Variants in AKT3 observed in about 807,000 individuals in gnomAD.
The protein encoded by AKT3 is RAC-gamma serine/threonine-protein kinase.
Under a neutral mutation model 65.3 loss-of-function variants are expected in AKT3, and 15 were observed. The ratio of observed to expected loss-of-function variants is 0.23; its 90% CI spans 0.15 to 0.35. AKT3 has a LOEUF of 0.35. AKT3 is among the 10% of genes least tolerant of loss of function. The pLI is 1.00. For missense variants in AKT3, 243 were observed against 576.5 expected, an observed-to-expected ratio of 0.42 and a Z score of 5.92; for synonymous variants, 206 against 183.8, an observed-to-expected ratio of 1.12 and a Z score of -0.98.
Position 243,563,933 on chromosome 1 carries a change from G to A in AKT3, c.820-85C>T, listed in dbSNP as rs891012520. The A allele has an allele frequency of 5.9e-6, 8 of 1,361,610 alleles. No homozygotes were observed. In the African/African-American group the frequency reaches 1.0e-4, roughly 17 times the overall value. 84.3% of individuals were successfully genotyped at this position (1,361,610 alleles called of 1,614,324 possible). On this transcript the variant is annotated intron_variant, in intron 9 of 13. Transcript: ENST00000673466. Reference sequence around the variant, plus strand: ...ATTTTAAAAAACTACTGAATGCTGAGTAAGGTATTTTGGAAACAGGACATA... The same window carrying A: ...ATTTTAAAAAACTACTGAATGCTGAATAAGGTATTTTGGAAACAGGACATA...
Position 243,500,813 on chromosome 1 carries a change from T to C in AKT3, c.*4436A>G, listed in dbSNP as rs1481051388. 4.4e-6 allele frequency: 1 copy of C among 229,076 alleles called. No homozygotes were observed. Among genetic ancestry groups the C allele is most frequent in the Non-Finnish European group, 8.7e-6 (1 of 115,430 alleles). The allele number at this position is 229,076 out of a possible 1,614,324, so 14.2% of individuals were successfully genotyped here. A position where few individuals can be genotyped will look rare whatever the true frequency, so the allele number is the denominator to read the frequency against. On this transcript the variant is annotated 3_prime_UTR_variant, in exon 14 of 14. Transcript: ENST00000673466. The stretch of plus-strand genomic sequence containing the variant: ...TACACACAGAGACCATTTGAATCTC[T>C]TGAGCATGTAAAAGGTTCAAGCCTG...
chr1:243,618,916 G>A (rs1678539419), intron 6 of AKT3, among the ~76,000 whole-genome samples: 1 of 152,032 alleles, frequency 6.6e-6, no homozygotes, highest in Non-Finnish European at 1.5e-5. Flanking sequence ...TACCCTTAAT[G>A]ATCAAGAACA....
At chr1:243,582,936 A>T (rs963411477) in intron 8 of AKT3, among the ~76,000 whole-genome samples, 9 of 151,812 alleles carry the variant, frequency 5.9e-5, no homozygotes, top group Admixed American at 2.0e-4. Context: ...ACTAATGGAA[A>T]ACAAAAAAGA....
chr1:243,668,840 T>C (rs1432812609), intron 3 of AKT3, among the ~76,000 whole-genome samples: 1 of 152,090 alleles, frequency 6.6e-6, no homozygotes, highest in Admixed American at 6.6e-5. Flanking sequence ...AAAATGGGTA[T>C]GGAGGAAAGT....
Position 243,505,220 on chromosome 1 carries a change from T to C in AKT3, c.*29A>G. The C allele has an allele frequency of 3.2e-6, 5 of 1,579,172 alleles. No individual in the cohort carries two copies. Among genetic ancestry groups the C allele is most frequent in the Non-Finnish European group, 4.4e-6 (5 of 1,148,498 alleles). The stretch of plus-strand genomic sequence containing the variant: ...ATCATTTTCAGTAATAAATTGAAGA[T>C]GACAGTGAAGTAGCAGAATGAAAGA... On this transcript the variant is annotated 3_prime_UTR_variant, in exon 14 of 14. Coordinates refer to ENST00000673466, the MANE Select transcript of AKT3 (RefSeq NM_005465.7).
At chr1:243,572,828 T>C (rs1674663312) in intron 9 of AKT3, 98 bp downstream of exon 9, 1 of 1,267,250 alleles carries the variant, frequency 7.9e-7, no homozygotes, top group African/African-American at 1.5e-5. Flanking sequence ...CCCAACTAAA[T>C]CTGCTTTTCT....
chr1:243,656,380 G>T (rs999687850), intron 4 of AKT3, among the ~76,000 whole-genome samples: 5 of 152,070 alleles, frequency 3.3e-5, no homozygotes, highest in Non-Finnish European at 5.9e-5. Flanking sequence ...GTTTAAAAAA[G>T]GAATGGCTTA....
At chr1:243,844,790 A>T (rs1049887462) in intron 1 of AKT3, among the ~76,000 whole-genome samples, 15 of 152,182 alleles carry the variant, frequency 9.9e-5, no homozygotes, top group South Asian at 2.1e-4. Flanking sequence ...TCTTCATAAG[A>T]TGTATGCGGG....
chr1:243,770,022 T>C (rs1208712518), intron 2 of AKT3, among the ~76,000 whole-genome samples: 1 of 152,220 alleles, frequency 6.6e-6, no homozygotes, highest in Non-Finnish European at 1.5e-5. Flanking sequence ...CATTCTTTTA[T>C]ATGTGGAAAT....
chr1:243,810,256 C>T (rs1241199883), intron 2 of AKT3, among the ~76,000 whole-genome samples: 1 of 151,882 alleles, frequency 6.6e-6, no homozygotes, highest in Non-Finnish European at 1.5e-5. Flanking sequence ...TTGAAAAGAT[C>T]AACAAAATTG....
At chr1:243,729,387 A>C (rs1277867168) in intron 2 of AKT3, among the ~76,000 whole-genome samples, 1 of 152,190 alleles carries the variant, frequency 6.6e-6, no homozygotes, top group Non-Finnish European at 1.5e-5. Flanking sequence ...AAAAGGGTGG[A>C]ATTCAAAATA....
At chr1:243,667,965 A>G (rs1019449371) in intron 3 of AKT3, among the ~76,000 whole-genome samples, 5 of 152,062 alleles carry the variant, frequency 3.3e-5, no homozygotes, top group African/African-American at 1.2e-4. Flanking sequence ...TAGACATCCT[A>G]TTTAATACTG....
At chr1:243,662,111 C>A (rs1364470184) in intron 4 of AKT3, among the ~76,000 whole-genome samples, 2 of 151,622 alleles carry the variant, frequency 1.3e-5, no homozygotes, top group African/African-American at 4.9e-5. Context: ...GTTGGTGGGA[C>A]TGTAAACTAG....
chr1:243,711,735 T>G (rs774968649), intron 2 of AKT3, among the ~76,000 whole-genome samples: 2 of 152,258 alleles, frequency 1.3e-5, no homozygotes, highest in Non-Finnish European at 2.9e-5. Flanking sequence ...AAGTATTGTT[T>G]CCTTCTTTCA....
intron 6 of AKT3, among the ~76,000 whole-genome samples, chr1:243,634,910 T>G (rs1357709285): frequency 1.3e-5 from 2 of 151,842 alleles, no homozygotes; most frequent in African/African-American, 4.8e-5. Flanking sequence ...AAGAAAGAAG[T>G]AAGGCAACGG....
chr1:243,538,943 C>T (rs895270185), intron 12 of AKT3, among the ~76,000 whole-genome samples: 1 of 151,882 alleles, frequency 6.6e-6, no homozygotes, highest in Non-Finnish European at 1.5e-5. Context: ...GAGGCAAAAC[C>T]TAAAAGATAA....
chr1:243,624,859 A>T (rs1373768266), intron 6 of AKT3: 1 of 208,706 alleles, frequency 4.8e-6, no homozygotes, highest in African/African-American at 2.3e-5. Flanking sequence ...CTCTTCTCCC[A>T]GATGGAAACT....
intron 4 of AKT3, among the ~76,000 whole-genome samples, chr1:243,650,223 T>TGTTCATA (rs1681200847): frequency 6.6e-6 from 1 of 152,238 alleles, no homozygotes; most frequent in Admixed American, 6.5e-5. Context: ...GAGAAGTGTC[T>TGTTCATA]GTTCATATCC....
intron 2 of AKT3, among the ~76,000 whole-genome samples, chr1:243,749,154 A>C (rs1419333333): frequency 6.6e-6 from 1 of 151,908 alleles, no homozygotes; most frequent in African/African-American, 2.4e-5. Context: ...ATATTTTTCT[A>C]ATCCACTTTT....
Sources: gnomAD v4.1 joint callset for allele counts (sites outside exome capture counted in the v4.1 genomes callset) on GRCh38, gnomAD v4.1.1 for gene constraint, MANE v1.5 for transcripts, NCBI Gene and HGNC (gene_info 2026-07-23, HGNC 2026-07-21) for gene names.